CALHM4: variants seen among roughly 807,000 people sequenced by gnomAD.
CALHM4 encodes the protein calcium homeostasis modulator protein 4.
In CALHM4, 16 loss-of-function variants were observed where a neutral mutation model predicts 13.3. That is an observed-to-expected ratio of 1.20 (90% CI 0.81 to 1.82). CALHM4 has a LOEUF of 1.82. Among genes scored for constraint, CALHM4 ranks in the 40% most tolerant of loss-of-function variants. CALHM4 has a pLI of 0.00. For missense variants in CALHM4, 344 were observed against 374.9 expected, an observed-to-expected ratio of 0.92 and a Z score of 0.68; for synonymous variants, 127 against 137.1, an observed-to-expected ratio of 0.93 and a Z score of 0.52.
chr6:116,556,673 C>T (rs1435938054), intron 1 of CALHM4, among the ~76,000 whole-genome samples: 2 of 152,128 alleles, frequency 1.3e-5, no homozygotes, highest in African/African-American at 4.8e-5. Flanking sequence ...TTACCTCTCT[C>T]ACTTTACATA....
rs758844146 is a variant in CALHM4 at position 116,557,945 on chromosome 6, A to G, written c.679A>G (p.Asn227Asp). 4 of 1,614,100 alleles carry G rather than the reference A, an allele frequency of 2.5e-6. No homozygotes were observed. Among genetic ancestry groups the G allele is most frequent in the Admixed American group, 1.7e-5 (1 of 60,010 alleles). Residue 227 changes from asparagine (N) to aspartate (D), a missense_variant, in exon 2 of 2, where the codon AAT (asparagine) becomes GAT (aspartate). Transcript: ENST00000368596. ...QHCYWTSHLQ[N>D]ERELFEQAAE... Reference sequence around the variant, plus strand: ...TTGCTACTGGACCAGCCACCTCCAGAATGAGAGAGAACTCTTTGAACAAGC... The same window carrying G: ...TTGCTACTGGACCAGCCACCTCCAGGATGAGAGAGAACTCTTTGAACAAGC...
chr6:116,547,092 AT>A (rs1297479200), intron 2 of CALHM4, among the ~76,000 whole-genome samples: 4 of 152,152 alleles, frequency 2.6e-5, no homozygotes, highest in African/African-American at 9.7e-5. Flanking sequence ...ACAAGAAGGG[AT>A]TTGGGCTAAT....
Position 116,559,143 on chromosome 6 carries a change from T to C in CALHM4, c.*932T>C, listed in dbSNP as rs1774474604. On this transcript the variant is annotated 3_prime_UTR_variant, in exon 2 of 2. Coordinates refer to ENST00000368596, the MANE Select transcript of CALHM4 (RefSeq NM_001366078.2). ...TTGGTGTTGCTCTGCCTGGCTTTAC[T>C]AAATGCAGCCTACAGTATCTGGACA... Among the ~76,000 whole-genome samples, 1 of 152,240 alleles carries C rather than the reference T, an allele frequency of 6.6e-6. No individual in the cohort carries two copies. The highest frequency in any genetic ancestry group is 6.5e-5 in the Admixed American group (1 of 15,288).
rs913945852 is a variant in CALHM4, at chr6:116,554,050, C to T, written c.257C>T (p.Ala86Val). The change falls in exon 1 of 2, where the codon GCC becomes GTC. Residue 86 changes from alanine to valine, a missense_variant. Transcript: ENST00000368596. ...ACCGGTGAATACTGCTGCAGCTGTG[C>T]CCCTCCATACAGGAGAATCAGCCCC... ...TITGEYCCSC[A>V]PPYRRISPLE... The T allele has an allele frequency of 1.9e-6, 3 of 1,550,650 alleles. No homozygotes were observed. Among genetic ancestry groups the T allele is most frequent in the Non-Finnish European group, 2.6e-6 (3 of 1,147,018 alleles).
At position 116,553,779 on chromosome 6, in the gene CALHM4, T is replaced by C; in HGVS notation, c.-15T>C. On this transcript the variant is annotated 5_prime_UTR_variant, in exon 1 of 2. Transcript: ENST00000368596. ...AGAAAGGGCCACAAGCTGATTTGTG[T>C]AACAGCTTCCCAAGATGTGCCCAAC... The C allele has an allele frequency of 6.5e-7, 1 of 1,543,924 alleles. No homozygotes were observed. The highest frequency in any genetic ancestry group is 8.7e-7 in the Non-Finnish European group (1 of 1,142,910).
At chr6:116,543,298 C>T in intron 1 of CALHM4, 1 of 1,544,414 alleles carries the variant, frequency 6.5e-7, no homozygotes, top group Non-Finnish European at 8.8e-7. Flanking sequence ...AGGACTTCCA[C>T]TTACATTTTA....
At chr6:116,537,991 GT>G in intron 1 of CALHM4, among the ~76,000 whole-genome samples, 1 of 152,290 alleles carries the variant, frequency 6.6e-6, no homozygotes, top group South Asian at 2.1e-4. Context: ...TAACAAGAAA[GT>G]TTTACATGAG....
intron 1 of CALHM4, chr6:116,543,438 T>C: frequency 6.9e-7 from 1 of 1,455,940 alleles, no homozygotes; most frequent in Non-Finnish European, 9.4e-7. Context: ...ATAGGCAAGT[T>C]ATGACAGTAT....
At chr6:116,535,688 C>A (rs1773031268) in intron 1 of CALHM4, among the ~76,000 whole-genome samples, 1 of 152,146 alleles carries the variant, frequency 6.6e-6, no homozygotes, top group Non-Finnish European at 1.5e-5. Context: ...TTCATTATTA[C>A]AACTAAAATC....
chr6:116,543,491 C>T, intron 1 of CALHM4: 1 of 1,056,000 alleles, frequency 9.5e-7, no homozygotes, highest in African/African-American at 1.6e-5. Context: ...TTTGAAGTAG[C>T]CTTAGAAGTC....
chr6:116,546,838 T>C (rs1002434430), intron 2 of CALHM4, among the ~76,000 whole-genome samples: 9 of 152,226 alleles, frequency 5.9e-5, no homozygotes, highest in African/African-American at 1.7e-4. Flanking sequence ...TATGACACTA[T>C]GATCTCAGGA....
intron 1 of CALHM4, among the ~76,000 whole-genome samples, chr6:116,541,396 A>C (rs1773446921): frequency 6.6e-6 from 1 of 152,174 alleles, no homozygotes; most frequent in African/African-American, 2.4e-5. Flanking sequence ...CTACATAGAC[A>C]AGTGAAACGA....
intron 1 of CALHM4, among the ~76,000 whole-genome samples, chr6:116,539,524 G>A (rs1274978439): frequency 1.3e-5 from 2 of 152,122 alleles, no homozygotes; most frequent in Non-Finnish European, 2.9e-5. Context: ...TCTGGAAAAT[G>A]GGGATAGTAA....
chr6:116,537,443 T>C (rs976013597), intron 1 of CALHM4, among the ~76,000 whole-genome samples: 1 of 152,222 alleles, frequency 6.6e-6, no homozygotes, highest in South Asian at 2.1e-4. Flanking sequence ...GAATATGGTT[T>C]CTGAATATAA....
At chr6:116,553,043 C>T (rs969159459), upstream of CALHM4, among the ~76,000 whole-genome samples, 24 of 152,212 alleles carry the variant, frequency 1.6e-4, no homozygotes, top group African/African-American at 5.1e-4. Context: ...CACTGCACTC[C>T]AGCCTGGGCG....
chr6:116,538,394 A>G (rs1773225730), intron 1 of CALHM4, among the ~76,000 whole-genome samples: 1 of 152,212 alleles, frequency 6.6e-6, no homozygotes, highest in South Asian at 2.1e-4. Flanking sequence ...GAGGTTGTAT[A>G]TGCCTCTACT....
At position 116,546,712 on chromosome 6, in the gene CALHM4, G is replaced by A. The variant is rs557790272; in HGVS notation, c.-1+2840G>A. Among the ~76,000 whole-genome samples, 170 of 152,204 alleles carry A rather than the reference G, an allele frequency of 1.1e-3. 1 individual carries two copies. Among genetic ancestry groups the A allele is most frequent in the African/African-American group, 3.7e-3 (153 of 41,526 alleles). On this transcript the variant is annotated intron_variant, in intron 2 of 2. Coordinates refer to the CALHM4 transcript ENST00000368597. ...GAGAACCAAAGAGACGAGGCGTACC[G>A]TAAAACACATTAAAATGCACCATAT...
intron 1 of CALHM4, among the ~76,000 whole-genome samples, chr6:116,538,687 C>T (rs1475477441): frequency 1.3e-5 from 2 of 151,788 alleles, no homozygotes; most frequent in African/African-American, 2.4e-5. Context: ...TTGGTCAATG[C>T]TCTACCGCCT....
chr6:116,544,326 C>T (rs1212326327), intron 2 of CALHM4, among the ~76,000 whole-genome samples: 2 of 152,092 alleles, frequency 1.3e-5, no homozygotes, highest in Non-Finnish European at 2.9e-5. Context: ...GGAATTTCTT[C>T]TCTGTCCCTG....
Sources: allele counts gnomAD v4.1 joint callset (sites outside exome capture counted in the v4.1 genomes callset), GRCh38; gene constraint gnomAD v4.1.1; transcripts MANE v1.5; gene names NCBI Gene and HGNC (gene_info 2026-07-23, HGNC 2026-07-21).